AGBL4: variants seen among roughly 807,000 people sequenced by gnomAD.
The protein encoded by AGBL4 is AGBL carboxypeptidase 4.
AGBL4 carries 58 observed loss-of-function variants against 66.4 expected under a neutral mutation model. The ratio of observed to expected loss-of-function variants is 0.87; its 90% CI spans 0.71 to 1.09. The LOEUF (loss-of-function observed/expected upper bound fraction) is 1.09. Ranked by LOEUF, AGBL4 falls within the 50% of genes least tolerant of loss-of-function variation. The pLI is 0.00. For missense variants in AGBL4, 579 were observed against 631.0 expected (o/e 0.92, Z 0.88); for synonymous variants, 234 against 222.9 (o/e 1.05, Z -0.44).
At chr1:48,803,661 A>C (rs2148746918) in intron 6 of AGBL4, among the ~76,000 whole-genome samples, 1 of 152,352 alleles carries the variant, frequency 6.6e-6, no homozygotes, top group South Asian at 2.1e-4. Context: ...TTCTGAGGCT[A>C]TGAAAAGAGG....
intron 6 of AGBL4, among the ~76,000 whole-genome samples, chr1:48,781,432 G>T (rs1236330865): frequency 6.6e-6 from 1 of 152,202 alleles, no homozygotes; most frequent in Non-Finnish European, 1.5e-5. Flanking sequence ...TGAAAACTGA[G>T]CAACAGTACT....
At chr1:49,501,868 T>C (rs1012185239) in intron 3 of AGBL4, among the ~76,000 whole-genome samples, 1 of 152,138 alleles carries the variant, frequency 6.6e-6, no homozygotes, top group African/African-American at 2.4e-5. Flanking sequence ...TATTGAATCA[T>C]TGCTTGTTAA....
intron 3 of AGBL4, among the ~76,000 whole-genome samples, chr1:49,383,803 A>AT (rs66756545): frequency 5.0e-4 from 72 of 144,670 alleles, no homozygotes; most frequent in East Asian, 2.5e-3. Context: ...ATATATATAT[A>AT]TTTTTTTTTT....
At chr1:49,994,272 T>C (rs1007337538) in intron 1 of AGBL4, 3 of 139,204 alleles carry the variant, frequency 2.2e-5, no homozygotes, top group African/African-American at 8.0e-5. Flanking sequence ...ACAGAAAATA[T>C]AGAAGACAAT....
intron 5 of AGBL4, among the ~76,000 whole-genome samples, chr1:48,901,758 A>G (rs1014445070): frequency 2.6e-5 from 4 of 152,128 alleles, no homozygotes; most frequent in African/African-American, 9.7e-5. Context: ...GGAATAGGGG[A>G]GGGAGTGAGA....
At chr1:49,649,388 A>G (rs1330082596) in intron 3 of AGBL4, among the ~76,000 whole-genome samples, 1 of 152,194 alleles carries the variant, frequency 6.6e-6, no homozygotes. Context: ...AGTGATATAC[A>G]ATGATTCAGG....
At chr1:49,872,417 C>A (rs1339984318) in intron 1 of AGBL4, among the ~76,000 whole-genome samples, 2 of 151,982 alleles carry the variant, frequency 1.3e-5, no homozygotes, top group African/African-American at 4.8e-5. Context: ...GCATTAAGAA[C>A]AATGAGGCTG....
chr1:49,154,574 T>C (rs1421658629), intron 4 of AGBL4, among the ~76,000 whole-genome samples: 2 of 152,090 alleles, frequency 1.3e-5, no homozygotes, highest in Non-Finnish European at 2.9e-5. Flanking sequence ...AAAGAAAAAG[T>C]CTAGAAAACA....
chr1:49,409,356 CT>C (rs1301550710), intron 3 of AGBL4, among the ~76,000 whole-genome samples: 2 of 152,136 alleles, frequency 1.3e-5, no homozygotes, highest in African/African-American at 2.4e-5. Flanking sequence ...GAAAGTGATA[CT>C]TTTAGTGAGA....
At chr1:49,108,853 T>G (rs1242753972) in intron 4 of AGBL4, among the ~76,000 whole-genome samples, 2 of 152,058 alleles carry the variant, frequency 1.3e-5, no homozygotes, top group African/African-American at 4.8e-5. Flanking sequence ...AGGCCCTAAA[T>G]CTGGGTCCAG....
intron 3 of AGBL4, among the ~76,000 whole-genome samples, chr1:49,476,731 G>T (rs769837269): frequency 2.6e-5 from 4 of 151,966 alleles, no homozygotes; most frequent in Admixed American, 1.3e-4. Context: ...AGTGATCTCT[G>T]CTATTTTTTG....
At chr1:49,553,109 A>G (rs952120040) in intron 3 of AGBL4, among the ~76,000 whole-genome samples, 1 of 152,252 alleles carries the variant, frequency 6.6e-6, no homozygotes, top group African/African-American at 2.4e-5. Context: ...AATATTTCTT[A>G]AAAAATGAAT....
At chr1:49,031,498 A>G (rs949118673) in intron 5 of AGBL4, among the ~76,000 whole-genome samples, 2 of 152,168 alleles carry the variant, frequency 1.3e-5, no homozygotes, top group African/African-American at 4.8e-5. Context: ...TGTAAACCAT[A>G]TATCTGAAAA....
In AGBL4 at chr1:49,646,235, T is replaced by C. The variant is rs191493704; in HGVS notation, c.282+51078A>G. The stretch of plus-strand genomic sequence containing the variant: ...ATTGAAAGAAAAGAATAAAATAAAT[T>C]AAAAAGTTAAAGTGCCTCTATTTTC... On this transcript the variant is annotated intron_variant, in intron 3 of 13. Coordinates refer to ENST00000371839, the MANE Select transcript of AGBL4 (RefSeq NM_032785.4). Among the ~76,000 whole-genome samples the C allele has an allele frequency of 6.0e-3, 914 of 151,766 alleles. 4 individuals carry two copies. Among genetic ancestry groups the C allele is most frequent in the Non-Finnish European group, 9.5e-3 (642 of 67,706 alleles).
chr1:49,278,323 C>T (rs1481828462), intron 3 of AGBL4, among the ~76,000 whole-genome samples: 1 of 152,152 alleles, frequency 6.6e-6, no homozygotes, highest in African/African-American at 2.4e-5. Context: ...ATTTGCTTCT[C>T]AGGACAGACG....
chr1:48,763,879 A>C (rs1644400856), intron 6 of AGBL4, among the ~76,000 whole-genome samples: 2 of 152,206 alleles, frequency 1.3e-5, no homozygotes, highest in Admixed American at 6.5e-5. Flanking sequence ...GGGCAGGATG[A>C]ACAGGGTCCC....
chr1:49,681,836 T>C (rs1646699899), intron 3 of AGBL4, among the ~76,000 whole-genome samples: 1 of 152,208 alleles, frequency 6.6e-6, no homozygotes, highest in Non-Finnish European at 1.5e-5. Flanking sequence ...TACTTTTGTA[T>C]TGGTCATTGG....
At chr1:48,591,098 C>G in intron 9 of AGBL4, 113 bp from the exon 10 acceptor site, 1 of 661,978 alleles carries the variant, frequency 1.5e-6, no homozygotes, top group Non-Finnish European at 2.3e-6. Flanking sequence ...CCACCCCCCC[C>G]CACACACACA....
chr1:49,052,174 T>A (rs1407342622), intron 4 of AGBL4, among the ~76,000 whole-genome samples: 1 of 151,434 alleles, frequency 6.6e-6, no homozygotes. Context: ...ATTAAAAAAA[T>A]TAAAAATAAA....
Sources: gnomAD v4.1 joint callset for allele counts (sites outside exome capture counted in the v4.1 genomes callset) on GRCh38, gnomAD v4.1.1 for gene constraint, MANE v1.5 for transcripts, NCBI Gene and HGNC (gene_info 2026-07-23, HGNC 2026-07-21) for gene names.